LPA: variants seen among roughly 807,000 people sequenced by gnomAD.
LPA encodes the protein apolipoprotein(a).
A neutral mutation model predicts 197.9 loss-of-function variants in LPA; 199 were observed. That is an observed-to-expected ratio of 1.01 (90% CI 0.90 to 1.13). LPA has a LOEUF of 1.13. Ranked by LOEUF, LPA falls within the 50% of genes most tolerant of loss-of-function variation. The pLI is 0.00. For missense variants in LPA, 1,853 were observed against 1,785.8 expected, an observed-to-expected ratio of 1.04 and a Z score of -0.68; for synonymous variants, 715 against 639.5, an observed-to-expected ratio of 1.12 and a Z score of -1.78.
At chr6:160,567,529 A>G (rs369771011) in intron 28 of LPA, among the ~76,000 whole-genome samples, 422 of 152,342 alleles carry the variant, frequency 2.8e-3, no homozygotes, top group Non-Finnish European at 4.7e-3. Flanking sequence ...CTAAATGCCC[A>G]CAAGAGAAAG....
Position 160,599,615 on chromosome 6 carries a change from A to G in LPA, c.3172T>C (p.Tyr1058His), listed in dbSNP as rs1271299460. The change falls in exon 20 of 39, where the codon TAT becomes CAT. Residue 1058 changes from tyrosine to histidine, a missense_variant. By Grantham distance (83) the Tyr-to-His change is moderately conservative. Coordinates refer to ENST00000316300, the MANE Select transcript of LPA (RefSeq NM_005577.4). ...TPGVQDCYYH[Y>H]GQSYRGTYST... ...TATGTGCCTCGGTAACTCTGTCCATAATGGTAGTAGCAGTCCTGTACCCCG... is the reference window on the plus strand; with the variant it reads ...TATGTGCCTCGGTAACTCTGTCCATGATGGTAGTAGCAGTCCTGTACCCCG... 1.2e-6 allele frequency: 2 copies of G among 1,613,982 alleles called. No homozygotes were observed. Among genetic ancestry groups the G allele is most frequent in the Non-Finnish European group, 1.7e-6 (2 of 1,179,984 alleles).
chr6:160,540,757 A>G (rs542381617), intron 35 of LPA, among the ~76,000 whole-genome samples: 1 of 152,240 alleles, frequency 6.6e-6, no homozygotes, highest in Non-Finnish European at 1.5e-5. Context: ...TCTTTTCTTT[A>G]TAAATTATTC....
chr6:160,590,389 A>G (rs1410487595), intron 23 of LPA, among the ~76,000 whole-genome samples: 1 of 152,156 alleles, frequency 6.6e-6, no homozygotes, highest in African/African-American at 2.4e-5. Flanking sequence ...CCTTCCATCA[A>G]AGCCTAGGTG....
intron 37 of LPA, among the ~76,000 whole-genome samples, chr6:160,533,829 T>G (rs982497874): frequency 6.6e-6 from 1 of 152,226 alleles, no homozygotes; most frequent in Non-Finnish European, 1.5e-5. Flanking sequence ...GTAGTTCTTC[T>G]TTTGTGAAAA....
intron 24 of LPA, 56 bp downstream of exon 24, chr6:160,589,497 C>T: frequency 1.2e-6 from 2 of 1,602,096 alleles, no homozygotes; most frequent in South Asian, 1.1e-5. Flanking sequence ...CATGGCTCTT[C>T]CAGGAGAAAT....
At chr6:160,556,789 T>C (rs1433966765) in intron 29 of LPA, among the ~76,000 whole-genome samples, 1 of 152,052 alleles carries the variant, frequency 6.6e-6, no homozygotes, top group Non-Finnish European at 1.5e-5. Context: ...CTACCCTTCC[T>C]CTCAACACAC....
chr6:160,647,233 A>G (rs750843024), intron 2 of LPA, among the ~76,000 whole-genome samples: 19 of 152,172 alleles, frequency 1.2e-4, no homozygotes, highest in African/African-American at 4.3e-4. Context: ...AAGAGATCTG[A>G]AGAGGTCGGA....
intron 24 of LPA, among the ~76,000 whole-genome samples, chr6:160,587,761 G>A (rs1015435740): frequency 3.5e-5 from 4 of 115,002 alleles, no homozygotes; most frequent in African/African-American, 1.6e-4. Flanking sequence ...TTGTGTGTGT[G>A]TGTGTGTGTG....
At chr6:160,546,160 A>G (rs933696395) in intron 32 of LPA, among the ~76,000 whole-genome samples, 1 of 152,170 alleles carries the variant, frequency 6.6e-6, no homozygotes, top group Non-Finnish European at 1.5e-5. Flanking sequence ...AAGGGAACCA[A>G]CCATGTGACT....
In LPA at chr6:160,590,951, A is replaced by G. The variant is rs1284799907; in HGVS notation, c.3780T>C (p.Ser1260=). ...TGGCCAGAGACTTCTTACCTTGTTCAGAAACAGCCGTGGACGTCGCAAGGA... is the reference window on the plus strand; with the variant it reads ...TGGCCAGAGACTTCTTACCTTGTTCGGAAACAGCCGTGGACGTCGCAAGGA... ...SSVLATSTAV[S]EQAPTEQSPT... is the part of the protein sequence containing the mutation. The change falls in exon 23 of 39, where the codon TCT becomes TCC. Residue 1260 remains serine (S), a synonymous_variant. Transcript: ENST00000316300. 6.2e-7 allele frequency: 1 copy of G among 1,613,940 alleles called. No individual in the cohort carries two copies. Among genetic ancestry groups the G allele is most frequent in the Admixed American group, 1.7e-5 (1 of 60,008 alleles).
intron 7 of LPA, among the ~76,000 whole-genome samples, chr6:160,634,907 T>C (rs925831351): frequency 8.7e-5 from 13 of 150,064 alleles, no homozygotes; most frequent in Non-Finnish European, 7.4e-5. Context: ...CCCTGGAAGG[T>C]TTGTGCCCAT....
chr6:160,600,345 C>T (rs113108099), intron 19 of LPA, among the ~76,000 whole-genome samples: 107 of 152,276 alleles, frequency 7.0e-4, no homozygotes, highest in African/African-American at 2.2e-3. Flanking sequence ...GGCAAAAGCA[C>T]ACGAAAAAAT....
intron 26 of LPA, among the ~76,000 whole-genome samples, chr6:160,580,512 T>C (rs1002379483): frequency 2.0e-5 from 3 of 152,198 alleles, no homozygotes; most frequent in Admixed American, 6.6e-5. Context: ...TGTTGTATGA[T>C]TTTGAACTTC....
At chr6:160,570,805 C>T (rs895128855) in intron 28 of LPA, among the ~76,000 whole-genome samples, 2 of 152,088 alleles carry the variant, frequency 1.3e-5, no homozygotes, top group Non-Finnish European at 2.9e-5. Context: ...GTGAATCTGA[C>T]GATTATGTGT....
chr6:160,586,787 A>G (rs1348736768), intron 24 of LPA, among the ~76,000 whole-genome samples, 157 bp from the exon 25 acceptor site: 1 of 152,220 alleles, frequency 6.6e-6, no homozygotes, highest in East Asian at 1.9e-4. Flanking sequence ...CAACTTCTAA[A>G]CAACTGTCAA....
At chr6:160,646,556 A>G (rs1779882809) in intron 2 of LPA, among the ~76,000 whole-genome samples, 161 bp from the exon 3 acceptor site, 1 of 34,888 alleles carries the variant, frequency 2.9e-5, no homozygotes. Flanking sequence ...GCTCTCGATC[A>G]CTAATCCTCT....
chr6:160,577,049 C>T (rs998952426), intron 28 of LPA, 87 bp downstream of exon 28: 5 of 1,523,074 alleles, frequency 3.3e-6, no homozygotes, highest in Admixed American at 1.7e-5. Flanking sequence ...AGAAATTTGT[C>T]CCTAGGAAGT....
chr6:160,576,349 T>C (rs1778662404), intron 28 of LPA, among the ~76,000 whole-genome samples: 2 of 20,560 alleles, frequency 9.7e-5, no homozygotes, highest in Non-Finnish European at 1.6e-4. Context: ...TGTATATATA[T>C]ATATATATAT....
At chr6:160,634,543 C>T (rs1266077028) in intron 7 of LPA, among the ~76,000 whole-genome samples, 2 of 141,938 alleles carry the variant, frequency 1.4e-5, no homozygotes, top group Non-Finnish European at 3.0e-5. Context: ...AGACCCCTCA[C>T]AGGTACAAGT....
Sources: gnomAD v4.1 joint callset for allele counts (sites outside exome capture counted in the v4.1 genomes callset) on GRCh38, gnomAD v4.1.1 for gene constraint, MANE v1.5 for transcripts, NCBI Gene and HGNC (gene_info 2026-07-23, HGNC 2026-07-21) for gene names.